Variants in STAG1 observed in about 807,000 individuals in gnomAD.
STAG1 encodes cohesin subunit SA-1.
STAG1 carries 26 observed loss-of-function variants against 170.9 expected under a neutral mutation model. The ratio of observed to expected loss-of-function variants is 0.15; its 90% confidence interval spans 0.11 to 0.21. The LOEUF is 0.21. Among genes scored for constraint, STAG1 ranks in the 10% least tolerant of loss-of-function variants. STAG1 has a pLI of 1.00. For synonymous variants in STAG1, 514 were observed against 497.7 expected (o/e 1.03, Z -0.44); for missense variants, 964 against 1,509.5 (o/e 0.64, Z 5.99).
At chr3:136,452,578 C>A (rs539524048) in intron 13 of STAG1, among the ~76,000 whole-genome samples, 1 of 151,156 alleles carries the variant, frequency 6.6e-6, no homozygotes, top group East Asian at 2.0e-4. Flanking sequence ...AATCAGAGAT[C>A]AGATTATTCA....
intron 19 of STAG1, 74 bp downstream of exon 19, chr3:136,422,336 G>C: frequency 7.3e-7 from 1 of 1,370,638 alleles, no homozygotes. Context: ...AAATGAAAAT[G>C]ATTTACACAC....
chr3:136,518,504 A>G lies in STAG1; in HGVS notation c.676+2709T>C, dbSNP rs376353162. The G allele has an allele frequency of 9.6e-5, 62 of 644,720 alleles. 1 individual carries two copies. Among genetic ancestry groups the G allele is most frequent in the Middle Eastern group, 5.6e-4 (2 of 3,566 alleles). 39.9% of individuals were successfully genotyped at this position (644,720 alleles called of 1,614,324 possible). On this transcript the variant is annotated intron_variant, in intron 7 of 33. Coordinates refer to ENST00000383202, the MANE Select transcript of STAG1 (RefSeq NM_005862.3). ...AGAAGAGGGCAAAGATGAGAACAAA[A>G]TGTCCTTGAAAAGAGGGATAATTGT...
chr3:136,501,538 C>T (rs1933473001), intron 8 of STAG1, among the ~76,000 whole-genome samples: 1 of 152,154 alleles, frequency 6.6e-6, no homozygotes, highest in Admixed American at 6.5e-5. Context: ...AAGCAACTAC[C>T]AGACACTAGG....
At chr3:136,724,213 G>A (rs1186288024) in intron 1 of STAG1, among the ~76,000 whole-genome samples, 8 of 152,120 alleles carry the variant, frequency 5.3e-5, no homozygotes, top group African/African-American at 1.9e-4. Context: ...CCATGTCTGT[G>A]TAGAAAGAGG....
chr3:136,445,587 T>C (rs1465561537), intron 14 of STAG1, among the ~76,000 whole-genome samples: 2 of 152,224 alleles, frequency 1.3e-5, no homozygotes, highest in Non-Finnish European at 1.5e-5. Context: ...ATGAACTGTA[T>C]ACTTAACAAG....
chr3:136,588,688 C>T (rs1046640546), intron 4 of STAG1, among the ~76,000 whole-genome samples: 3 of 151,644 alleles, frequency 2.0e-5, no homozygotes, highest in East Asian at 1.9e-4. Flanking sequence ...AGTGCAGTGG[C>T]GCCATCTCAA....
At position 136,377,719 on chromosome 3, in the gene STAG1, A is replaced by C; in HGVS notation, c.2311T>G (p.Ser771Ala). The C allele has an allele frequency of 6.2e-7, 1 of 1,614,056 alleles. No individual in the cohort carries two copies. Among genetic ancestry groups the C allele is most frequent in the Non-Finnish European group, 8.5e-7 (1 of 1,180,004 alleles). ...DLLVLRKTVKSFLAVCQQCLS... is the reference protein window; with the variant it reads ...DLLVLRKTVKAFLAVCQQCLS... ...CACTGCTGGCAAACAGCCAAAAAGGATTTCACCGTTTTCCTCAATACCAAC... is the reference window on the plus strand; with the variant it reads ...CACTGCTGGCAAACAGCCAAAAAGGCTTTCACCGTTTTCCTCAATACCAAC... The change falls in exon 23 of 34, where the codon TCC becomes GCC. Residue 771 changes from serine (S) to alanine (A), a missense_variant. Physicochemically the swap from Ser to Ala is moderately conservative, Grantham distance 99. Around this residue, in one of 11 missense-constraint regions of STAG1, gnomAD observed 232 missense variants for 313.0 expected, o/e 0.74. Coordinates refer to ENST00000383202, the MANE Select transcript of STAG1 (RefSeq NM_005862.3).
intron 13 of STAG1, among the ~76,000 whole-genome samples, chr3:136,454,462 T>A (rs1039138990): frequency 1.3e-5 from 2 of 152,018 alleles, no homozygotes; most frequent in Non-Finnish European, 2.9e-5. Context: ...TACTGCAACC[T>A]CCGCCTCCTG....
At chr3:136,739,965 GA>G (rs1229948550) in intron 1 of STAG1, among the ~76,000 whole-genome samples, 1 of 152,122 alleles carries the variant, frequency 6.6e-6, no homozygotes, top group Non-Finnish European at 1.5e-5. Flanking sequence ...AGATACAGAG[GA>G]TAAAGATTGG....
chr3:136,601,299 G>A (rs1938665244), intron 4 of STAG1, among the ~76,000 whole-genome samples: 1 of 151,944 alleles, frequency 6.6e-6, no homozygotes, highest in African/African-American at 2.4e-5. Flanking sequence ...AAAAAAATGT[G>A]CCCAAAAGAC....
intron 1 of STAG1, among the ~76,000 whole-genome samples, chr3:136,668,270 A>G (rs1402437505): frequency 6.8e-6 from 1 of 147,316 alleles, no homozygotes; most frequent in Non-Finnish European, 1.5e-5. Flanking sequence ...TATATTATAC[A>G]TAATATATAT....
At chr3:136,492,437 C>A (rs1043002021) in intron 9 of STAG1, among the ~76,000 whole-genome samples, 3 of 152,162 alleles carry the variant, frequency 2.0e-5, no homozygotes, top group African/African-American at 7.2e-5. Flanking sequence ...TACAGACTGA[C>A]AGAAAATCAT....
At chr3:136,365,133 A>C (rs1269242837) in intron 25 of STAG1, among the ~76,000 whole-genome samples, 1 of 152,158 alleles carries the variant, frequency 6.6e-6, no homozygotes, top group East Asian at 1.9e-4. Flanking sequence ...AGGATGATAA[A>C]AGTTCTGAAT....
At chr3:136,499,291 C>G (rs1385227429) in intron 9 of STAG1, among the ~76,000 whole-genome samples, 2 of 152,002 alleles carry the variant, frequency 1.3e-5, no homozygotes, top group Non-Finnish European at 2.9e-5. Context: ...TTCAGGCAAT[C>G]CTCCCACCTC....
chr3:136,517,562 C>T (rs67621498), intron 7 of STAG1, among the ~76,000 whole-genome samples: 11,903 of 151,952 alleles, frequency 0.078, 478 homozygotes, highest in Non-Finnish European at 0.093. Flanking sequence ...AAAATTTTAA[C>T]TTCATAATAC....
intron 12 of STAG1, among the ~76,000 whole-genome samples, chr3:136,466,628 G>A (rs551344160): frequency 4.6e-5 from 7 of 151,954 alleles, no homozygotes; most frequent in Admixed American, 6.6e-5. Flanking sequence ...GCAGGCCAAC[G>A]TTCAGATTCA....
chr3:136,475,271 C>T (rs767331409), intron 10 of STAG1, among the ~76,000 whole-genome samples: 1 of 151,234 alleles, frequency 6.6e-6, no homozygotes, highest in East Asian at 1.9e-4. Flanking sequence ...CTCAGCCTCC[C>T]GAGTAGCTGA....
Position 136,443,282 on chromosome 3 carries a change from T to C in STAG1, c.1546+5A>G. On this transcript the variant is annotated splice_donor_5th_base_variant and intron_variant, in intron 15 of 33. Coordinates refer to ENST00000383202, the MANE Select transcript of STAG1 (RefSeq NM_005862.3). ...CATGTAAATTAACTTGTCAAAATAC[T>C]ATACCTTCCTCTCCTTGAACAGGTT... is the stretch of plus-strand genomic sequence containing the variant. The C allele has an allele frequency of 6.3e-7, 1 of 1,585,374 alleles. No homozygotes were observed. The highest frequency in any genetic ancestry group is 8.7e-7 in the Non-Finnish European group (1 of 1,156,032).
intron 6 of STAG1, among the ~76,000 whole-genome samples, chr3:136,535,433 C>T (rs1460806483): frequency 6.6e-6 from 1 of 152,224 alleles, no homozygotes; most frequent in East Asian, 1.9e-4. Context: ...AAGGCCAAGG[C>T]AGGTGGATCA....
Sources: allele counts gnomAD v4.1 joint callset (sites outside exome capture counted in the v4.1 genomes callset), GRCh38; gene constraint gnomAD v4.1.1; regional missense constraint gnomAD v4.1.1; transcripts MANE v1.5; gene names NCBI Gene and HGNC (gene_info 2026-07-23, HGNC 2026-07-21).